EFHD1: variants seen among roughly 807,000 people sequenced by gnomAD.
The protein encoded by EFHD1 is EF-hand domain family member D1, also known as EF-hand domain-containing protein D1.
EFHD1 carries 10 observed loss-of-function variants against 17.2 expected under a neutral mutation model. The ratio of observed to expected loss-of-function variants is 0.58; its 90% confidence interval spans 0.36 to 0.99. The LOEUF (loss-of-function observed/expected upper bound fraction) is 0.99, where lower values mean the gene tolerates loss of function less well. Among genes scored for constraint, EFHD1 ranks in the 50% least tolerant of loss-of-function variants. The pLI, the probability that EFHD1 is intolerant of heterozygous loss-of-function variation, is 0.01. For synonymous variants in EFHD1, 153 were observed against 142.0 expected (o/e 1.08, Z -0.55); for missense variants, 310 against 327.5 (o/e 0.95, Z 0.41).
intron 1 of EFHD1, among the ~76,000 whole-genome samples, chr2:232,623,397 G>A (rs1272090049): frequency 6.6e-6 from 1 of 152,104 alleles, no homozygotes. Flanking sequence ...TCTGAGGCCG[G>A]GTATTGTGGC....
intron 1 of EFHD1, among the ~76,000 whole-genome samples, chr2:232,608,440 A>G (rs1055168146): frequency 2.0e-5 from 3 of 152,236 alleles, no homozygotes; most frequent in African/African-American, 7.2e-5. Context: ...ATTACTTATA[A>G]TACCTAATAC....
At chr2:232,629,162 C>A (rs1410601867), upstream of EFHD1, among the ~76,000 whole-genome samples, 3 of 152,216 alleles carry the variant, frequency 2.0e-5, no homozygotes, top group Admixed American at 1.3e-4. Flanking sequence ...AATTGGACAT[C>A]TGTGAGCAAA....
rs190724812 is a variant in EFHD1 at position 232,622,662 on chromosome 2, G to A, written c.14+16489G>A. Among the ~76,000 whole-genome samples, 98 of 152,232 alleles carry A rather than the reference G, an allele frequency of 6.4e-4. 1 individual carries two copies. In the Middle Eastern group the frequency reaches 0.017, roughly 26 times the overall value. On this transcript the variant is annotated intron_variant, in intron 1 of 3. Coordinates refer to the EFHD1 transcript ENST00000409613. ...GTAATGGAGGCCAGAGATGAAGCCT[G>A]ATCAGAGCCGCTCGGTGGTGGGACG...
intron 1 of EFHD1, 125 bp downstream of exon 1, chr2:232,634,131 A>G: frequency 6.9e-7 from 1 of 1,456,206 alleles, no homozygotes; most frequent in Non-Finnish European, 9.0e-7. Context: ...CATTTGGCCC[A>G]ACGCAGCCAG....
intron 1 of EFHD1, among the ~76,000 whole-genome samples, chr2:232,659,995 A>G (rs2106209546): frequency 6.6e-6 from 1 of 152,200 alleles, no homozygotes; most frequent in Admixed American, 6.5e-5. Flanking sequence ...CACCAAGGGG[A>G]TGGTGCAGAA....
chr2:232,634,071 C>G, intron 1 of EFHD1, 65 bp downstream of exon 1: 1 of 1,580,406 alleles, frequency 6.3e-7, no homozygotes. Flanking sequence ...CTTTCTGGTC[C>G]GAAGTCCCGG....
upstream of EFHD1, among the ~76,000 whole-genome samples, chr2:232,630,337 C>T (rs935052097): frequency 4.6e-5 from 7 of 152,198 alleles, no homozygotes; most frequent in East Asian, 1.9e-4. Context: ...GTGGCCGTAA[C>T]GGTGACCACC....
intron 1 of EFHD1, chr2:232,610,834 C>A: frequency 6.7e-6 from 1 of 148,962 alleles, no homozygotes; most frequent in Non-Finnish European, 1.5e-5. Flanking sequence ...GGCATGATCG[C>A]ACCACACACT....
At chr2:232,646,678 C>T (rs1694536024) in intron 1 of EFHD1, among the ~76,000 whole-genome samples, 1 of 152,122 alleles carries the variant, frequency 6.6e-6, no homozygotes, top group Non-Finnish European at 1.5e-5. Context: ...CTCTTGACCT[C>T]AGGTGATCCC....
chr2:232,678,827 CG>C (rs576342447), intron 3 of EFHD1, among the ~76,000 whole-genome samples: 6 of 152,160 alleles, frequency 3.9e-5, no homozygotes, highest in South Asian at 4.1e-4. Context: ...ATCTCTTTCA[CG>C]TGGGAACTTA....
At chr2:232,624,588 G>A (rs1215267805) in intron 1 of EFHD1, among the ~76,000 whole-genome samples, 3 of 152,254 alleles carry the variant, frequency 2.0e-5, no homozygotes, top group Admixed American at 1.3e-4. Flanking sequence ...GGGGAGAACC[G>A]CATTTAGCTA....
chr2:232,623,958 G>A (rs1022693176), intron 1 of EFHD1, among the ~76,000 whole-genome samples: 2 of 152,082 alleles, frequency 1.3e-5, no homozygotes, highest in African/African-American at 4.8e-5. Context: ...CCGACCAGAT[G>A]TAGGGGCAGA....
intron 2 of EFHD1, among the ~76,000 whole-genome samples, 160 bp downstream of exon 2, chr2:232,663,109 A>T (rs1008065280): frequency 6.6e-6 from 1 of 152,214 alleles, no homozygotes; most frequent in Non-Finnish European, 1.5e-5. Flanking sequence ...GGTGACAGCT[A>T]ACCCCAGTGC....
intron 1 of EFHD1, chr2:232,611,636 C>T (rs189705471): frequency 9.8e-5 from 15 of 152,306 alleles, no homozygotes; most frequent in East Asian, 1.9e-4. Flanking sequence ...ATTCCAAGAA[C>T]GAAGGAAATC....
chr2:232,679,892 G>A (rs966493353), intron 3 of EFHD1, among the ~76,000 whole-genome samples: 1 of 152,160 alleles, frequency 6.6e-6, no homozygotes, highest in African/African-American at 2.4e-5. Context: ...TGGCAAGGTT[G>A]TGGGGAAATG....
rs983236654 is a variant in EFHD1, at chr2:232,681,175, A to T, written c.586-410A>T. ...CATCTCAAAATAAATAAATAAATAA[A>T]TAAAAAATAAAAAAAATAAATCCCA... On this transcript the variant is annotated intron_variant, in intron 3 of 3. Coordinates refer to ENST00000264059, the MANE Select transcript of EFHD1 (RefSeq NM_025202.4). 1.1e-4 allele frequency among the ~76,000 whole-genome samples: 16 copies of T among 152,110 alleles called. 1 individual carries two copies. Among genetic ancestry groups the T allele is most frequent in the African/African-American group, 3.9e-4 (16 of 41,412 alleles).
intron 1 of EFHD1, among the ~76,000 whole-genome samples, chr2:232,628,511 G>C (rs144774401): frequency 8.0e-4 from 122 of 152,282 alleles, no homozygotes; most frequent in African/African-American, 2.7e-3. Context: ...AGCAGCCCTG[G>C]GGTTTTGCTC....
chr2:232,681,747 G>A lies in EFHD1; in HGVS notation c.*28G>A, dbSNP rs1167480405. ...CTGCTGACCTTGCCCTCTGCCCACA[G>A]CTGTGCCTCACAGATGCCCCGAGAA... On this transcript the variant is annotated 3_prime_UTR_variant, in exon 4 of 4. Coordinates refer to ENST00000264059, the MANE Select transcript of EFHD1 (RefSeq NM_025202.4). 6.2e-7 allele frequency: 1 copy of A among 1,609,740 alleles called. No individual in the cohort carries two copies. The highest frequency in any genetic ancestry group is 8.5e-7 in the Non-Finnish European group (1 of 1,178,034).
intron 1 of EFHD1, among the ~76,000 whole-genome samples, chr2:232,616,317 GA>G (rs976202785): frequency 1.0e-4 from 15 of 145,216 alleles, no homozygotes; most frequent in African/African-American, 3.8e-4. Context: ...TTTTTTTTTT[GA>G]GACAGAGTCT....
Sources: allele counts gnomAD v4.1 joint callset (sites outside exome capture counted in the v4.1 genomes callset), GRCh38; gene constraint gnomAD v4.1.1; transcripts MANE v1.5; gene names NCBI Gene and HGNC (gene_info 2026-07-23, HGNC 2026-07-21).